BCR: variants seen among roughly 807,000 people sequenced by gnomAD.
BCR encodes breakpoint cluster region protein.
A neutral mutation model predicts 138.6 loss-of-function variants in BCR; 58 were observed. The observed-to-expected ratio is 0.42, with a 90% confidence interval of 0.34 to 0.52. BCR has a LOEUF of 0.52. Among genes scored for constraint, BCR ranks in the 20% least tolerant of loss-of-function variants. The pLI is 0.06. For missense variants in BCR, 1,599 were observed against 1,727.2 expected (o/e 0.93, Z 1.32); for synonymous variants, 786 against 730.1 (o/e 1.08, Z -1.23).
chr22:23,218,063 G>A (rs1437035175), intron 1 of BCR, among the ~76,000 whole-genome samples: 2 of 152,218 alleles, frequency 1.3e-5, no homozygotes, highest in Non-Finnish European at 2.9e-5. Flanking sequence ...TCTGACCAGA[G>A]GAATCCTTCC....
intron 1 of BCR, among the ~76,000 whole-genome samples, chr22:23,182,517 G>A (rs898040946): frequency 2.0e-5 from 3 of 152,224 alleles, no homozygotes; most frequent in Non-Finnish European, 4.4e-5. Context: ...ATGTGTTTGT[G>A]AAGTACAGCT....
chr22:23,287,749 T>C (rs931660077), intron 11 of BCR, among the ~76,000 whole-genome samples: 1 of 152,194 alleles, frequency 6.6e-6, no homozygotes, highest in African/African-American at 2.4e-5. Flanking sequence ...ACCTCTGGGC[T>C]AGTGTGGGGC....
chr22:23,207,620 C>G (rs1483291183), intron 1 of BCR, among the ~76,000 whole-genome samples: 2 of 152,108 alleles, frequency 1.3e-5, no homozygotes, highest in Non-Finnish European at 2.9e-5. Context: ...CAGACCCTGT[C>G]TCTGAAAAAC....
At chr22:23,249,966 G>C (rs1009993503) in intron 1 of BCR, among the ~76,000 whole-genome samples, 1 of 152,210 alleles carries the variant, frequency 6.6e-6, no homozygotes, top group African/African-American at 2.4e-5. Context: ...TAATTCCCCA[G>C]CAGAGTCTGG....
intron 1 of BCR, among the ~76,000 whole-genome samples, chr22:23,212,437 C>G (rs766121636): frequency 6.6e-6 from 1 of 152,200 alleles, no homozygotes; most frequent in African/African-American, 2.4e-5. Flanking sequence ...CTCAGGACCC[C>G]AGGGCCTTAA....
intron 16 of BCR, among the ~76,000 whole-genome samples, chr22:23,299,831 C>T (rs961962686): frequency 5.3e-5 from 8 of 152,104 alleles, no homozygotes; most frequent in Non-Finnish European, 7.4e-5. Flanking sequence ...GTGGCTGGGG[C>T]GGGAGCCAGC....
chr22:23,310,812 C>T (rs2073998934), intron 18 of BCR, among the ~76,000 whole-genome samples: 1 of 152,168 alleles, frequency 6.6e-6, no homozygotes, highest in African/African-American at 2.4e-5. Flanking sequence ...AGACCACTTC[C>T]TCTGAGAATT....
chr22:23,214,659 T>A (rs1231612093), intron 1 of BCR, among the ~76,000 whole-genome samples: 1 of 152,222 alleles, frequency 6.6e-6, no homozygotes, highest in Admixed American at 6.5e-5. Flanking sequence ...TGTCTTCTTT[T>A]AGGTGGAGTT....
intron 4 of BCR, chr22:23,263,245 T>C (rs1297054875): frequency 8.5e-6 from 9 of 1,054,348 alleles, no homozygotes; most frequent in Non-Finnish European, 1.1e-5. Context: ...CTGCTGCACA[T>C]GTGCTCCTAC....
intron 1 of BCR, among the ~76,000 whole-genome samples, chr22:23,245,420 G>A (rs1282565455): frequency 6.6e-6 from 1 of 152,166 alleles, no homozygotes; most frequent in African/African-American, 2.4e-5. Context: ...TGATGTCATT[G>A]TTGGGGTACG....
At chr22:23,293,507 T>C (rs957298342) in intron 15 of BCR, among the ~76,000 whole-genome samples, 3 of 152,126 alleles carry the variant, frequency 2.0e-5, no homozygotes, top group Non-Finnish European at 4.4e-5. Context: ...ACCTGGTCAT[T>C]GTAGCTCTGG....
At chr22:23,267,507 A>G (rs1394738748) in intron 4 of BCR, among the ~76,000 whole-genome samples, 1 of 152,222 alleles carries the variant, frequency 6.6e-6, no homozygotes, top group Non-Finnish European at 1.5e-5. Flanking sequence ...GCAAATGCAC[A>G]TGGAAATAAA....
chr22:23,261,242 T>C (rs2073352615), intron 3 of BCR, 113 bp from the exon 4 acceptor site: 13 of 1,334,482 alleles, frequency 9.7e-6, no homozygotes, highest in African/African-American at 2.9e-5. Context: ...TGTTATGTGA[T>C]TTAAAAATAA....
chr22:23,264,386 C>A, intron 4 of BCR: 1 of 822,848 alleles, frequency 1.2e-6, no homozygotes, highest in Non-Finnish European at 2.1e-6. Flanking sequence ...TGCCTGTGGG[C>A]CAAGGAGACC....
Position 23,315,443 on chromosome 22 carries a change from T to A in BCR, c.3737T>A (p.Leu1246Gln). 6.2e-7 allele frequency: 1 copy of A among 1,613,696 alleles called. No homozygotes were observed. The highest frequency in any genetic ancestry group is 8.5e-7 in the Non-Finnish European group (1 of 1,179,982). The change falls in exon 23 of 23, where the codon CTG (leucine) becomes CAG (glutamine). Residue 1246 changes from leucine to glutamine, a missense_variant. Around this residue, in one of 4 missense-constraint regions of BCR, gnomAD observed 177 missense variants for 226.4 expected, o/e 0.78. Coordinates refer to ENST00000305877, the MANE Select transcript of BCR (RefSeq NM_004327.4). ...ACTCTGCCCGGGCAGGTCCAGGTGC[T>A]GCTGTACTTCCTGCAGCTGGAGGCC... ...SLEVMSQVQV[L>Q]LYFLQLEAIP...
chr22:23,198,261 C>A, intron 1 of BCR: 1 of 450,050 alleles, frequency 2.2e-6, no homozygotes, highest in South Asian at 1.6e-5. Context: ...CCGAGTGCTC[C>A]CCGAGTGTCC....
At chr22:23,230,971 C>A (rs932036260) in intron 1 of BCR, among the ~76,000 whole-genome samples, 1 of 152,158 alleles carries the variant, frequency 6.6e-6, no homozygotes, top group Non-Finnish European at 1.5e-5. Flanking sequence ...TCTAACGGGG[C>A]CCGACTCACC....
chr22:23,229,061 GT>G (rs2072923761), intron 1 of BCR, among the ~76,000 whole-genome samples: 1 of 151,732 alleles, frequency 6.6e-6, no homozygotes, highest in African/African-American at 2.4e-5. Flanking sequence ...CTCCATTTTT[GT>G]TTTCTCTCTC....
chr22:23,193,830 G>A (rs1366466123), intron 1 of BCR, among the ~76,000 whole-genome samples: 1 of 152,238 alleles, frequency 6.6e-6, no homozygotes, highest in South Asian at 2.1e-4. Context: ...TGAGTGTTGG[G>A]AGGTTTTAGG....
Sources: allele counts gnomAD v4.1 joint callset (sites outside exome capture counted in the v4.1 genomes callset), GRCh38; gene constraint gnomAD v4.1.1; regional missense constraint gnomAD v4.1.1; transcripts MANE v1.5; gene names NCBI Gene and HGNC (gene_info 2026-07-23, HGNC 2026-07-21).